The following RAD51B variants were observed in gnomAD, a reference collection of about 807,000 sequenced individuals.
RAD51B encodes RAD51 paralog B, also known as DNA repair protein RAD51 homolog 2.
RAD51B carries 38 observed loss-of-function variants against 42.2 expected under a neutral mutation model. The ratio of observed to expected loss-of-function variants is 0.90; its 90% CI spans 0.70 to 1.18. RAD51B has a LOEUF of 1.18. Ranked by LOEUF, RAD51B falls within the 50% of genes most tolerant of loss-of-function variation. RAD51B has a pLI of 0.00. For missense variants in RAD51B, 373 were observed against 400.7 expected, an observed-to-expected ratio of 0.93 and a Z score of 0.59; for synonymous variants, 154 against 145.2, an observed-to-expected ratio of 1.06 and a Z score of -0.43.
chr14:68,666,165 C>G (rs1437115377), intron 11 of RAD51B, among the ~76,000 whole-genome samples: 2 of 152,132 alleles, frequency 1.3e-5, no homozygotes, highest in African/African-American at 2.4e-5. Context: ...AAACCTGACT[C>G]TGAAGCCAGC....
intron 9 of RAD51B, among the ~76,000 whole-genome samples, chr14:68,461,857 T>TG (rs2140216284): frequency 6.6e-6 from 1 of 152,288 alleles, no homozygotes; most frequent in East Asian, 1.9e-4. Context: ...TGGGCCCCAA[T>TG]GGCCAATTTT....
At position 68,255,605 on chromosome 14, in the gene RAD51B, T is replaced by C. The variant is rs972422659; in HGVS notation, c.757-36279T>C. Among the ~76,000 whole-genome samples the C allele has an allele frequency of 2.6e-5, 4 of 152,232 alleles. No homozygotes were observed. The South Asian group carries it at 6.2e-4, about 24-fold the overall frequency. ...ATTAGTTCGAAAGTATATATATTCATGGACAAAAGTTATCACATAATTTTC... is the reference window on the plus strand; with the variant it reads ...ATTAGTTCGAAAGTATATATATTCACGGACAAAAGTTATCACATAATTTTC... On this transcript the variant is annotated intron_variant, in intron 7 of 10. Coordinates refer to ENST00000471583, the MANE Select transcript of RAD51B (RefSeq NM_133510.4).
At chr14:67,882,808 G>A (rs1411665347) in intron 5 of RAD51B, among the ~76,000 whole-genome samples, 1 of 151,922 alleles carries the variant, frequency 6.6e-6, no homozygotes, top group Non-Finnish European at 1.5e-5. Context: ...GCAGTGGCGT[G>A]ATCTTGGCTC....
At chr14:68,004,876 G>A (rs917395892) in intron 7 of RAD51B, among the ~76,000 whole-genome samples, 2 of 151,518 alleles carry the variant, frequency 1.3e-5, no homozygotes, top group African/African-American at 4.9e-5. Context: ...TTTTTTTTTG[G>A]TATATGGCCT....
chr14:67,838,215 T>C (rs1271849279), intron 4 of RAD51B, among the ~76,000 whole-genome samples: 1 of 152,158 alleles, frequency 6.6e-6, no homozygotes, highest in African/African-American at 2.4e-5. Flanking sequence ...GTTGATTCCA[T>C]CTCTTGGGTA....
chr14:68,677,790 C>A (rs1893342365), intron 11 of RAD51B, among the ~76,000 whole-genome samples: 2 of 152,184 alleles, frequency 1.3e-5, no homozygotes, highest in East Asian at 3.8e-4. Flanking sequence ...CATGCTACAG[C>A]CAGGTCCTCT....
intron 7 of RAD51B, among the ~76,000 whole-genome samples, chr14:68,118,807 A>G (rs1264845757): frequency 1.4e-5 from 2 of 147,344 alleles, no homozygotes; most frequent in Non-Finnish European, 3.0e-5. Context: ...GTGTGTGCAC[A>G]TGTGTGTGTG....
chr14:68,584,380 G>T (rs879847345), intron 10 of RAD51B, among the ~76,000 whole-genome samples: 2 of 152,188 alleles, frequency 1.3e-5, no homozygotes, highest in Admixed American at 6.5e-5. Flanking sequence ...TATAGCCAGG[G>T]TGTTGGTGGG....
At position 67,864,806 on chromosome 14, in the gene RAD51B, C is replaced by T. The variant is rs779316181; in HGVS notation, c.316-197C>T. 4.7e-5 allele frequency: 41 copies of T among 863,832 alleles called. 1 individual carries two copies. In the South Asian group the frequency reaches 5.5e-4, roughly 12 times the overall value. The allele number at this position is 863,832 out of a possible 1,614,324, so 53.5% of individuals were successfully genotyped here. ...CTCCAAGGATGGTACATAACTAGTGCCAATTCAGATGCAGAGGGGAGAAGT... is the reference window on the plus strand; with the variant it reads ...CTCCAAGGATGGTACATAACTAGTGTCAATTCAGATGCAGAGGGGAGAAGT... On this transcript the variant is annotated intron_variant, in intron 4 of 10. Transcript: ENST00000471583.
intron 5 of RAD51B, among the ~76,000 whole-genome samples, chr14:67,883,527 G>A (rs1174306269): frequency 1.3e-5 from 2 of 152,040 alleles, no homozygotes; most frequent in Admixed American, 6.6e-5. Flanking sequence ...CTTGTGTGCT[G>A]TTTCACTGGG....
At chr14:68,202,308 A>G (rs896752030) in intron 7 of RAD51B, among the ~76,000 whole-genome samples, 1 of 152,170 alleles carries the variant, frequency 6.6e-6, no homozygotes, top group Non-Finnish European at 1.5e-5. Context: ...AAACAAGTCA[A>G]CAGTGAAGTT....
At chr14:68,148,332 T>A (rs1566682426) in intron 7 of RAD51B, among the ~76,000 whole-genome samples, 2 of 152,216 alleles carry the variant, frequency 1.3e-5, no homozygotes, top group Non-Finnish European at 2.9e-5. Context: ...TTCTTTTTTA[T>A]TGGGCAAATA....
At chr14:68,338,653 AT>A (rs369191498) in intron 8 of RAD51B, 182 of 311,232 alleles carry the variant, frequency 5.8e-4, no homozygotes, top group African/African-American at 3.6e-3. Context: ...TGCTTGCCAT[AT>A]TTTTTTTCTT....
chr14:68,324,026 A>T (rs1212125026), intron 8 of RAD51B, among the ~76,000 whole-genome samples: 1 of 152,238 alleles, frequency 6.6e-6, no homozygotes, highest in Non-Finnish European at 1.5e-5. Context: ...TGAGAATAAA[A>T]GCTAAGACAG....
chr14:68,296,646 T>A (rs1436788877), intron 8 of RAD51B, among the ~76,000 whole-genome samples: 1 of 152,120 alleles, frequency 6.6e-6, no homozygotes, highest in African/African-American at 2.4e-5. Flanking sequence ...ATTTGACAAA[T>A]GGTAACAGTG....
intron 8 of RAD51B, among the ~76,000 whole-genome samples, chr14:68,401,572 C>G (rs1006816): frequency 0.18 from 27,481 of 152,122 alleles, 2,752 homozygotes; most frequent in East Asian, 0.44. Flanking sequence ...CTGAGACTTG[C>G]ATCAGCCTAG....
chr14:68,629,771 A>T (rs1256614355), intron 10 of RAD51B, among the ~76,000 whole-genome samples: 1 of 152,216 alleles, frequency 6.6e-6, no homozygotes, highest in Non-Finnish European at 1.5e-5. Flanking sequence ...CATACGTCCT[A>T]AGATATTTAT....
At chr14:68,388,790 C>T (rs1314561843) in intron 8 of RAD51B, among the ~76,000 whole-genome samples, 2 of 152,156 alleles carry the variant, frequency 1.3e-5, no homozygotes, top group African/African-American at 2.4e-5. Context: ...GGGAAGTGCA[C>T]CTCCCAGCGT....
intron 7 of RAD51B, among the ~76,000 whole-genome samples, chr14:68,224,137 G>A (rs1041715908): frequency 1.3e-5 from 2 of 152,188 alleles, no homozygotes; most frequent in Admixed American, 6.5e-5. Context: ...AAAAGCAAAT[G>A]ACTTTGTTTT....
Sources: gnomAD v4.1 joint callset for allele counts (sites outside exome capture counted in the v4.1 genomes callset) on GRCh38, gnomAD v4.1.1 for gene constraint, MANE v1.5 for transcripts, NCBI Gene and HGNC (gene_info 2026-07-23, HGNC 2026-07-21) for gene names.